DRC2: variants seen among roughly 807,000 people sequenced by gnomAD.
DRC2 encodes dynein regulatory complex subunit 2, also known as coiled-coil domain containing 65.
chr12:48,906,768 G>A, the DRC2 span, among the ~76,000 whole-genome samples: 69 of 151,358 alleles, frequency 4.6e-4, no homozygotes, highest in African/African-American at 1.7e-3. Flanking sequence ...ATTTCACCAT[G>A]TTGGCCAGGC....
chr12:48,912,034 CG>C, the DRC2 span, among the ~76,000 whole-genome samples: 1 of 151,624 alleles, frequency 6.6e-6, no homozygotes, highest in South Asian at 2.1e-4. Flanking sequence ...CCGAGGATGG[CG>C]GATCACGAGG....
chr12:48,913,483 ATTAT>A, the DRC2 span, among the ~76,000 whole-genome samples: 35 of 148,558 alleles, frequency 2.4e-4, no homozygotes, highest in Non-Finnish European at 4.2e-4. Context: ...TTGTATTTTT[ATTAT>A]TTATTTATTT....
chr12:48,906,772 G>C, the DRC2 span, among the ~76,000 whole-genome samples: 1 of 151,160 alleles, frequency 6.6e-6, no homozygotes, highest in African/African-American at 2.4e-5. Flanking sequence ...CACCATGTTG[G>C]CCAGGCTGGT....
At chr12:48,915,804 G>T in the DRC2 span, among the ~76,000 whole-genome samples, 1 of 151,478 alleles carries the variant, frequency 6.6e-6, no homozygotes, top group African/African-American at 2.4e-5. Flanking sequence ...CCTCCCGGAC[G>T]GGGTGGCTGC....
chr12:48,920,427 G>A, the DRC2 span, among the ~76,000 whole-genome samples: 1 of 82,134 alleles, frequency 1.2e-5, no homozygotes, highest in Non-Finnish European at 2.3e-5. Context: ...GGCAACAAGA[G>A]CGAAACTCCA....
At chr12:48,920,450 A>T in the DRC2 span, among the ~76,000 whole-genome samples, 4,669 of 143,684 alleles carry the variant, frequency 0.032, 326 homozygotes, top group Non-Finnish European at 0.055. Context: ...TTAAAAAAAA[A>T]AAAAAAAAAA....
At chr12:48,916,631 G>GGGGAGAGGGAGA in the DRC2 span, among the ~76,000 whole-genome samples, 38 of 149,014 alleles carry the variant, frequency 2.6e-4, no homozygotes, top group Admixed American at 6.8e-4. Context: ...GGGAGACCAT[G>GGGGAGAGGGAGA]GGGAGAGGGA....
the DRC2 span, chr12:48,918,125 C>T: frequency 3.0e-6 from 2 of 673,684 alleles, no homozygotes; most frequent in South Asian, 1.9e-5. Flanking sequence ...ATATTTATAT[C>T]ATCTGCCTGG....
chr12:48,906,304 T>A, the DRC2 span, among the ~76,000 whole-genome samples: 1 of 144,288 alleles, frequency 6.9e-6, no homozygotes, highest in Non-Finnish European at 1.5e-5. Flanking sequence ...CCTTATGGAT[T>A]TTTTTTTTTT....
chr12:48,914,431 G>A, the DRC2 span: 15 of 1,612,896 alleles, frequency 9.3e-6, no homozygotes, highest in Middle Eastern at 1.6e-4. Context: ...GTCCGAAGCC[G>A]AGGAGCAGTA....
the DRC2 span, chr12:48,904,237 C>T: frequency 2.7e-6 from 4 of 1,490,354 alleles, no homozygotes; most frequent in South Asian, 4.1e-5. Context: ...ACCAGGGGCA[C>T]TTCTGGAAGT....
At chr12:48,912,708 A>C in the DRC2 span, among the ~76,000 whole-genome samples, 1 of 152,096 alleles carries the variant, frequency 6.6e-6, no homozygotes, top group Admixed American at 6.6e-5. Context: ...ATAGCAGAGA[A>C]TTGTAGGATG....
At chr12:48,918,893 T>C in the DRC2 span, 250 of 1,612,264 alleles carry the variant, frequency 1.6e-4, 1 homozygote, top group African/African-American at 2.5e-3. Flanking sequence ...CTGAGAAAGA[T>C]TGTTGATAAG....
chr12:48,910,910 T>C, the DRC2 span, among the ~76,000 whole-genome samples: 1 of 152,052 alleles, frequency 6.6e-6, no homozygotes, highest in East Asian at 1.9e-4. Flanking sequence ...CCGGGCATGG[T>C]GGTATGTGCC....
the DRC2 span, chr12:48,921,230 G>A: frequency 1.2e-6 from 2 of 1,614,202 alleles, no homozygotes; most frequent in African/African-American, 1.3e-5. Context: ...TGAAACTGGA[G>A]CAACTGAGCC....
At chr12:48,908,570 GATTATTATTATTATTATT>G in the DRC2 span, among the ~76,000 whole-genome samples, 6 of 141,064 alleles carry the variant, frequency 4.3e-5, no homozygotes, top group South Asian at 2.3e-4. Context: ...GAACTACCAG[GATTATTATTATTATTATT>G]ATTATTATTA....
chr12:48,919,883 G>A, the DRC2 span, among the ~76,000 whole-genome samples: 47 of 150,958 alleles, frequency 3.1e-4, no homozygotes, highest in African/African-American at 1.1e-3. Flanking sequence ...CACTTTGGGA[G>A]GCCAAGGTGG....
the DRC2 span, among the ~76,000 whole-genome samples, chr12:48,915,777 G>A: frequency 2.0e-5 from 3 of 151,188 alleles, no homozygotes; most frequent in African/African-American, 7.3e-5. Context: ...CGGGCGGGGG[G>A]CTGACCCCCC....
chr12:48,916,125 C>T, the DRC2 span, among the ~76,000 whole-genome samples: 1 of 143,224 alleles, frequency 7.0e-6, no homozygotes, highest in Non-Finnish European at 1.5e-5. Context: ...ACTGGGCAGC[C>T]AGGCAGAGGG....
Sources: gnomAD v4.1 joint callset for allele counts (sites outside exome capture counted in the v4.1 genomes callset) on GRCh38, gnomAD v4.1.1 for gene constraint, MANE v1.5 for transcripts, NCBI Gene and HGNC (gene_info 2026-07-23, HGNC 2026-07-21) for gene names.